TUBA3C: variants seen among roughly 807,000 people sequenced by gnomAD.
TUBA3C encodes tubulin alpha-3C chain.
TUBA3C carries 23 observed loss-of-function variants against 33.4 expected under a neutral mutation model. The ratio of observed to expected loss-of-function variants is 0.69; its 90% CI spans 0.50 to 0.98. The LOEUF is 0.98. Ranked by LOEUF, TUBA3C falls within the 50% of genes least tolerant of loss-of-function variation. TUBA3C has a pLI of 0.00. For missense variants in TUBA3C, 402 were observed against 616.0 expected, an observed-to-expected ratio of 0.65 and a Z score of 3.68; for synonymous variants, 269 against 250.4, an observed-to-expected ratio of 1.07 and a Z score of -0.70.
At chr13:19,181,629 ACCT>A in intron 1 of TUBA3C, 113 bp downstream of exon 1, 33 of 1,470,404 alleles carry the variant, frequency 2.2e-5, no homozygotes, top group Non-Finnish European at 3.0e-5. Flanking sequence ...TCCTTCTCTG[ACCT>A]CCTTTCTGCA....
chr13:19,174,432 C>G (rs199511132), intron 4 of TUBA3C, among the ~76,000 whole-genome samples: 3 of 115,900 alleles, frequency 2.6e-5, no homozygotes, highest in East Asian at 5.5e-4. Context: ...GCATGCCCAG[C>G]ATTTTTTTTT....
chr13:19,176,832 G>A, intron 4 of TUBA3C, 95 bp downstream of exon 4: 2 of 1,378,300 alleles, frequency 1.5e-6, no homozygotes, highest in South Asian at 1.3e-5. Context: ...AATAGGGGTA[G>A]TATCCTCAAA....
rs1238928009 is a variant in TUBA3C at position 19,173,989 on chromosome 13, C to G, written c.1227G>C (p.Val409=). The G allele has an allele frequency of 6.2e-7, 1 of 1,612,208 alleles. No individual in the cohort carries two copies. ...YAKRAFVHWY[V]GEGMEEGEFS... ...ACTCCCCCTCCTCCATGCCTTCTCC[C>G]ACGTACCAGTGCACAAAGGCCCGCT... is the stretch of plus-strand genomic sequence containing the variant. The change falls in exon 5 of 5, where the codon GTG becomes GTC. Residue 409 remains valine, a synonymous_variant. Transcript: ENST00000400113.
chr13:19,181,642 A>G, intron 1 of TUBA3C, 103 bp downstream of exon 1: 2 of 1,544,182 alleles, frequency 1.3e-6, no homozygotes, highest in South Asian at 1.1e-5. Context: ...TCCTTTCTGC[A>G]CCCTGGCCCG....
chr13:19,177,566 G>A lies in TUBA3C; in HGVS notation c.417C>T (p.His139=), dbSNP rs763931241. ...CAGAGCCAGTGCCACCCCCAAAACT[G>A]TGGAAGATGAGGAAGCCCTGCAGTC... ...CTGLQGFLIF[H]SFGGGTGSGF... Residue 139 remains histidine, a synonymous_variant, in exon 4 of 5, where the codon CAC becomes CAT. Transcript: ENST00000400113. The surrounding 1 kb of genome is among the most constrained non-coding windows in gnomAD (Gnocchi z 5.0). 2 of 1,609,284 alleles carry A rather than the reference G, an allele frequency of 1.2e-6. No individual in the cohort carries two copies. The highest frequency in any genetic ancestry group is 1.1e-5 in the South Asian group (1 of 89,788).
At chr13:19,180,357 A>G (rs1869357242) in intron 1 of TUBA3C, among the ~76,000 whole-genome samples, 1 of 136,594 alleles carries the variant, frequency 7.3e-6, no homozygotes, top group Non-Finnish European at 1.6e-5. Flanking sequence ...AGATGTCATC[A>G]GTGCTGGGAC....
chr13:19,176,982 G>A lies in TUBA3C; in HGVS notation c.1001C>T (p.Thr334Ile), dbSNP rs1486688340. The A allele has an allele frequency of 1.9e-6, 3 of 1,613,926 alleles. No homozygotes were observed. Among genetic ancestry groups the A allele is most frequent in the African/African-American group, 1.3e-5 (1 of 74,870 alleles). ...CTGGATGGTGCGCTTGGTCTTGATG[G>A]TGGCGATGGCCGCGTTGACATCTTT... The part of the protein sequence containing the change: ...VPKDVNAAIA[T>I]IKTKRTIQFV... The change falls in exon 4 of 5, where the codon ACC (threonine) becomes ATC (isoleucine). Residue 334 changes from threonine (T) to isoleucine (I), a missense_variant. Transcript: ENST00000400113.
intron 1 of TUBA3C, among the ~76,000 whole-genome samples, chr13:19,180,773 G>A (rs911195587): frequency 1.3e-5 from 2 of 151,864 alleles, no homozygotes; most frequent in African/African-American, 2.4e-5. Context: ...GGGATTACAG[G>A]CGTGAGCCAC....
At position 19,181,056 on chromosome 13, in the gene TUBA3C, CT is replaced by C. The variant is rs917256778; in HGVS notation, c.3+688del. 5.3e-3 allele frequency among the ~76,000 whole-genome samples: 746 copies of C among 139,756 alleles called. 2 individuals carry two copies. Among genetic ancestry groups the C allele is most frequent in the African/African-American group, 9.5e-3 (366 of 38,384 alleles). 91.7% of individuals were successfully genotyped at this position (139,756 alleles called of 152,430 possible). ...ATTCTTTATGTGAATGCGTTGGTTG[CT>C]TTTTTTTTTTTTTGAGGCAGGGTCT... On this transcript the variant is annotated intron_variant, in intron 1 of 4. Transcript: ENST00000400113.
rs1284315991 is a variant in TUBA3C at position 19,179,479 on chromosome 13, T to C, written c.88A>G (p.Ile30Val). 3.7e-6 allele frequency: 6 copies of C among 1,614,070 alleles called. No individual in the cohort carries two copies. In the Admixed American group the frequency reaches 6.7e-5, roughly 18 times the overall value. Residue 30 changes from isoleucine (I) to valine (V), a missense_variant, in exon 2 of 5, where the codon ATT (isoleucine) becomes GTT (valine). Transcript: ENST00000400113. ...CTTGGCATCTGACCATCGGGCTGAATTCCATGTTCCAGGCAGTACAGTTCC... is the reference window on the plus strand; with the variant it reads ...CTTGGCATCTGACCATCGGGCTGAACTCCATGTTCCAGGCAGTACAGTTCC... The part of the protein sequence containing the change: ...CWELYCLEHG[I>V]QPDGQMPSDK...
chr13:19,177,888 C>T lies in TUBA3C; in HGVS notation c.376-281G>A, dbSNP rs1869259086. 6.7e-6 allele frequency among the ~76,000 whole-genome samples: 1 copy of T among 149,300 alleles called. No individual in the cohort carries two copies. ...TTTAGATAGAATCTCACTCTGTTGC[C>T]CAGGCCGGAGGGCAGTGGCATGAAC... On this transcript the variant is annotated intron_variant, in intron 3 of 4. Transcript: ENST00000400113. This position sits in a 1 kb window ranked among gnomAD's most constrained non-coding sequence, Gnocchi z 5.0.
In TUBA3C at chr13:19,173,872, T is replaced by C; in HGVS notation, c.1344A>G (p.Glu448=). ...CCACCACACCCTCCCCTCAGTATTC[T>C]TCACCTTCTTCAGCCTCGGCTTCCA... ...DSVEAEAEEG[E]EY is the part of the protein sequence containing the mutation. The change falls in exon 5 of 5, where the codon GAA becomes GAG. Residue 448 remains glutamate, a synonymous_variant. Transcript: ENST00000400113. 7 of 1,613,098 alleles carry C rather than the reference T, an allele frequency of 4.3e-6. No individual in the cohort carries two copies. The highest frequency in any genetic ancestry group is 5.1e-6 in the Non-Finnish European group (6 of 1,179,388).
intron 4 of TUBA3C, among the ~76,000 whole-genome samples, chr13:19,174,534 T>G (rs1869115663): frequency 6.6e-6 from 1 of 152,080 alleles, no homozygotes; most frequent in African/African-American, 2.4e-5. Flanking sequence ...AACTTAGTAA[T>G]TTTATGGGCA....
chr13:19,176,424 A>G (rs1309618118), intron 4 of TUBA3C, among the ~76,000 whole-genome samples: 1 of 151,872 alleles, frequency 6.6e-6, no homozygotes. Flanking sequence ...AAAGCTCATC[A>G]CAGATACATA....
chr13:19,174,780 C>G (rs1431035101), intron 4 of TUBA3C, among the ~76,000 whole-genome samples: 1 of 152,088 alleles, frequency 6.6e-6, no homozygotes, highest in Non-Finnish European at 1.5e-5. Context: ...GGCAGTATGG[C>G]AAGACCCTGT....
intron 4 of TUBA3C, among the ~76,000 whole-genome samples, chr13:19,174,888 G>A (rs1404210426): frequency 6.6e-6 from 1 of 152,064 alleles, no homozygotes; most frequent in Non-Finnish European, 1.5e-5. Flanking sequence ...CTTGAGCCTG[G>A]AGGGCAGAGG....
chr13:19,178,653 C>A (rs1452316290), intron 2 of TUBA3C, among the ~76,000 whole-genome samples: 1 of 152,152 alleles, frequency 6.6e-6, no homozygotes, highest in Non-Finnish European at 1.5e-5. Flanking sequence ...ACGACCAGCT[C>A]CCAGTGAAGG....
rs369034425 is a variant in TUBA3C, at chr13:19,174,945, C to A, written c.1057-786G>T. ...CCACTCCTTGGGTGACAGAGCAAGACCCTGTCTCAAAAAAATTAAAAGGCC... is the reference window on the plus strand; with the variant it reads ...CCACTCCTTGGGTGACAGAGCAAGAACCTGTCTCAAAAAAATTAAAAGGCC... On this transcript the variant is annotated intron_variant, in intron 4 of 4. Coordinates refer to ENST00000400113, the MANE Select transcript of TUBA3C (RefSeq NM_006001.3). 2.0e-5 allele frequency among the ~76,000 whole-genome samples: 3 copies of A among 151,960 alleles called. No homozygotes were observed. The East Asian group carries it at 5.8e-4, about 29-fold the overall frequency.
chr13:19,175,031 G>A (rs977478480), intron 4 of TUBA3C, among the ~76,000 whole-genome samples: 6 of 152,114 alleles, frequency 3.9e-5, no homozygotes, highest in African/African-American at 1.4e-4. Flanking sequence ...GACAGATCAC[G>A]AGGTCAGGAG....
Sources: gnomAD v4.1 joint callset for allele counts (sites outside exome capture counted in the v4.1 genomes callset) on GRCh38, gnomAD v4.1.1 for gene constraint, Gnocchi (gnomAD v3.1) non-coding constraint, MANE v1.5 for transcripts, NCBI Gene and HGNC (gene_info 2026-07-23, HGNC 2026-07-21) for gene names.